SEL1L2: variants seen among roughly 807,000 people sequenced by gnomAD.
SEL1L2 encodes protein sel-1 homolog 2.
Under a neutral mutation model 98.8 loss-of-function variants are expected in SEL1L2, and 89 were observed. That is an observed-to-expected ratio of 0.90 (90% CI 0.76 to 1.07). SEL1L2 has a LOEUF of 1.07. Ranked by LOEUF, SEL1L2 falls within the 50% of genes least tolerant of loss-of-function variation. The pLI is 0.00. For synonymous variants in SEL1L2, 262 were observed against 278.5 expected, an observed-to-expected ratio of 0.94 and a Z score of 0.59; for missense variants, 788 against 812.0, an observed-to-expected ratio of 0.97 and a Z score of 0.36.
intron 3 of SEL1L2, among the ~76,000 whole-genome samples, chr20:13,927,579 C>T (rs529604444): frequency 9.9e-5 from 15 of 152,224 alleles, no homozygotes; most frequent in South Asian, 4.1e-4. Flanking sequence ...TGTGAGCATT[C>T]CATTAAGAAT....
chr20:13,900,823 A>G (rs943166653), intron 5 of SEL1L2, among the ~76,000 whole-genome samples: 1 of 152,104 alleles, frequency 6.6e-6, no homozygotes, highest in Admixed American at 6.5e-5. Context: ...CTCCTTGTTT[A>G]TGGTCATTGG....
At chr20:13,913,706 T>C (rs1234324804) in intron 5 of SEL1L2, 76 bp downstream of exon 5, 1 of 1,299,546 alleles carries the variant, frequency 7.7e-7, no homozygotes, top group African/African-American at 1.6e-5. Flanking sequence ...ATACTATTGC[T>C]CAACTCCTTT....
intron 1 of SEL1L2, among the ~76,000 whole-genome samples, chr20:13,976,709 T>C (rs2051556118): frequency 6.6e-6 from 1 of 152,126 alleles, no homozygotes; most frequent in Non-Finnish European, 1.5e-5. Context: ...CTGGCAGTAA[T>C]GTATGTGGAT....
intron 5 of SEL1L2, among the ~76,000 whole-genome samples, chr20:13,899,706 T>G (rs1568928481): frequency 6.6e-6 from 1 of 152,136 alleles, no homozygotes; most frequent in Non-Finnish European, 1.5e-5. Flanking sequence ...GGCATTAAGT[T>G]TCAACATGGA....
At chr20:13,872,264 T>G (rs1291882675) in intron 12 of SEL1L2, among the ~76,000 whole-genome samples, 4 of 152,030 alleles carry the variant, frequency 2.6e-5, no homozygotes, top group Non-Finnish European at 4.4e-5. Flanking sequence ...GATGTCATCT[T>G]GAATTGTAGT....
Position 13,931,609 on chromosome 20 carries a change from T to A in SEL1L2, c.277A>T (p.Asn93Tyr), listed in dbSNP as rs1257197132. The change falls in exon 3 of 20, where the codon AAT (asparagine) becomes TAT (tyrosine). Residue 93 changes from asparagine to tyrosine, a missense_variant. By Grantham distance (143) the Asn-to-Tyr change is moderately radical. Transcript: ENST00000284951. ...QNKDILKRNK[N>Y]HLQKQAEKNF... ...GAAAAGATATTCTACTTACAATGATTCTTATTTCTCTTCAAGATATCTTTA... is the reference window on the plus strand; with the variant it reads ...GAAAAGATATTCTACTTACAATGATACTTATTTCTCTTCAAGATATCTTTA... The A allele has an allele frequency of 7.2e-7, 1 of 1,380,586 alleles. No individual in the cohort carries two copies. The highest frequency in any genetic ancestry group is 9.9e-7 in the Non-Finnish European group (1 of 1,012,656). 85.5% of individuals were successfully genotyped at this position (1,380,586 alleles called of 1,614,324 possible).
intron 12 of SEL1L2, among the ~76,000 whole-genome samples, chr20:13,872,289 T>C (rs969577336): frequency 3.9e-5 from 6 of 152,154 alleles, no homozygotes; most frequent in African/African-American, 1.4e-4. Flanking sequence ...ATAATCCCCA[T>C]GCATCATGGG....
chr20:13,869,071 C>G (rs2046062036), intron 14 of SEL1L2, among the ~76,000 whole-genome samples: 1 of 152,054 alleles, frequency 6.6e-6, no homozygotes, highest in African/African-American at 2.4e-5. Flanking sequence ...CCCTGCCTAC[C>G]CTTCAATACA....
intron 1 of SEL1L2, among the ~76,000 whole-genome samples, chr20:13,965,212 C>T (rs1046142397): frequency 3.9e-5 from 6 of 152,146 alleles, no homozygotes; most frequent in African/African-American, 1.2e-4. Flanking sequence ...AGCAGAAAAA[C>T]ACAGGTAACA....
chr20:13,979,922 C>T (rs1036704502), intron 1 of SEL1L2, among the ~76,000 whole-genome samples: 1 of 151,974 alleles, frequency 6.6e-6, no homozygotes, highest in Non-Finnish European at 1.5e-5. Context: ...GAACAGACAA[C>T]CCATGAATTG....
At position 13,980,103 on chromosome 20, in the gene SEL1L2, A is replaced by G. The variant is rs142490485; in HGVS notation, c.58+10374T>C. 4.4e-3 allele frequency among the ~76,000 whole-genome samples: 672 copies of G among 152,364 alleles called. 4 individuals carry two copies. Among genetic ancestry groups the G allele is most frequent in the African/African-American group, 0.015 (640 of 41,596 alleles). The stretch of plus-strand genomic sequence containing the variant: ...AAATGGCCAACAGATATATGAGAAA[A>G]TGTTCAATATCACTAATCATCAGGA... On this transcript the variant is annotated intron_variant, in intron 1 of 19. Transcript: ENST00000284951.
chr20:13,886,945 C>A (rs2046983201), intron 8 of SEL1L2, among the ~76,000 whole-genome samples: 1 of 151,986 alleles, frequency 6.6e-6, no homozygotes, highest in Non-Finnish European at 1.5e-5. Context: ...TCTTTGCAAC[C>A]TATACAAGTA....
intron 1 of SEL1L2, among the ~76,000 whole-genome samples, chr20:13,984,056 G>A (rs1052526026): frequency 3.3e-5 from 5 of 151,180 alleles, no homozygotes; most frequent in African/African-American, 1.2e-4. Context: ...CTGTCACCCA[G>A]GCTTGAGTGC....
chr20:13,936,511 G>C (rs896373512), intron 2 of SEL1L2, among the ~76,000 whole-genome samples: 1 of 152,100 alleles, frequency 6.6e-6, no homozygotes, highest in South Asian at 2.1e-4. Flanking sequence ...GATGTCTTTT[G>C]AGGCCCACCT....
chr20:13,863,034 G>A (rs568241854), intron 17 of SEL1L2, among the ~76,000 whole-genome samples: 27 of 152,058 alleles, frequency 1.8e-4, no homozygotes, highest in Non-Finnish European at 1.6e-4. Context: ...TAGTTATCAG[G>A]GCTTGCTTTC....
intron 5 of SEL1L2, among the ~76,000 whole-genome samples, chr20:13,906,824 G>A (rs771959335): frequency 4.1e-4 from 63 of 151,952 alleles, no homozygotes; most frequent in African/African-American, 5.1e-4. Context: ...GATTACAGGC[G>A]CGTGCCACCA....
At chr20:13,989,465 T>G (rs995949963) in intron 1 of SEL1L2, among the ~76,000 whole-genome samples, 3 of 152,222 alleles carry the variant, frequency 2.0e-5, no homozygotes, top group Admixed American at 6.5e-5. Flanking sequence ...CTACTTTTGT[T>G]TCTTGTGTAA....
intron 11 of SEL1L2, 56 bp downstream of exon 11, chr20:13,877,463 GT>G: frequency 7.1e-7 from 1 of 1,404,094 alleles, no homozygotes; most frequent in Non-Finnish European, 1.0e-6. Flanking sequence ...GCTATGCCCA[GT>G]TTAATTTCTT....
chr20:13,933,803 T>TTTGGTTTGCTTTGCTTTC (rs1555887885), intron 2 of SEL1L2, among the ~76,000 whole-genome samples: 3 of 152,100 alleles, frequency 2.0e-5, no homozygotes, highest in Non-Finnish European at 4.4e-5. Flanking sequence ...CTTTGTGTCA[T>TTTGGTTTGCTTTGCTTTC]TTGGTTTGCT....
Sources: gnomAD v4.1 joint callset for allele counts (sites outside exome capture counted in the v4.1 genomes callset) on GRCh38, gnomAD v4.1.1 for gene constraint, MANE v1.5 for transcripts, NCBI Gene and HGNC (gene_info 2026-07-23, HGNC 2026-07-21) for gene names.